The following ADGRV1 variants were observed in gnomAD, a reference collection of about 807,000 sequenced individuals.
ADGRV1 encodes the protein adhesion G protein-coupled receptor V1, also known as G-protein coupled receptor 98.
A neutral mutation model predicts 596.2 loss-of-function variants in ADGRV1; 359 were observed. The ratio of observed to expected loss-of-function variants is 0.60; its 90% confidence interval spans 0.55 to 0.66. The LOEUF (loss-of-function observed/expected upper bound fraction) is 0.66, where lower values mean the gene tolerates loss of function less well. ADGRV1 is among the 30% of genes least tolerant of loss of function. The pLI, the probability that ADGRV1 is intolerant of heterozygous loss-of-function variation, is 0.00. For missense variants in ADGRV1, 7,274 were observed against 7,575.6 expected, an observed-to-expected ratio of 0.96 and a Z score of 1.48; for synonymous variants, 2,681 against 2,679.2, an observed-to-expected ratio of 1.00 and a Z score of -0.02.
chr5:90,705,482 T>C lies in ADGRV1; in HGVS notation c.8469T>C (p.His2823=), dbSNP rs188452841. The part of the protein sequence containing the change: ...VLTVEASDEP[H]GVLNFALSSR... ...CAGTAGAAGCCAGTGATGAACCACA[T>C]GGAGTTTTAAATTTTGCTCTTTCAT... The change falls in exon 37 of 90, where the codon CAT becomes CAC. Residue 2823 remains histidine, a synonymous_variant. Transcript: ENST00000405460. The C allele has an allele frequency of 2.5e-6, 4 of 1,613,894 alleles. No individual in the cohort carries two copies. The highest frequency in any genetic ancestry group is 2.2e-5 in the South Asian group (2 of 91,084).
intron 78 of ADGRV1, among the ~76,000 whole-genome samples, chr5:90,843,061 T>A (rs1765571328): frequency 6.6e-6 from 1 of 152,136 alleles, no homozygotes; most frequent in South Asian, 2.1e-4. Context: ...AGATTCAATA[T>A]ATGGACACAA....
At chr5:90,695,944 G>A (rs997424169) in intron 33 of ADGRV1, among the ~76,000 whole-genome samples, 1 of 152,038 alleles carries the variant, frequency 6.6e-6, no homozygotes, top group African/African-American at 2.4e-5. Context: ...TATATATAAA[G>A]AAATAGCATT....
Position 90,777,934 on chromosome 5 carries a change from A to C in ADGRV1, c.12557A>C (p.Glu4186Ala), listed in dbSNP as rs1758418294. The change falls in exon 62 of 90, where the codon GAG becomes GCG. Residue 4186 changes from glutamate (E) to alanine (A), a missense_variant. Around this residue, in one of 5 missense-constraint regions of ADGRV1, gnomAD observed 3,643 missense variants for 3,809.2 expected, o/e 0.96. Coordinates refer to ENST00000405460, the MANE Select transcript of ADGRV1 (RefSeq NM_032119.4). ...SLVRGPGILG[E>A]VTVFWRIFPP... is the part of the protein sequence containing the mutation. Reference sequence around the variant, plus strand: ...GTTCGAGGCCCAGGGATTTTGGGGGAGGTCACAGTGTTCTGGAGGATATTC... The same window carrying C: ...GTTCGAGGCCCAGGGATTTTGGGGGCGGTCACAGTGTTCTGGAGGATATTC... The C allele has an allele frequency of 6.2e-7, 1 of 1,611,596 alleles. No homozygotes were observed. The highest frequency in any genetic ancestry group is 1.3e-5 in the African/African-American group (1 of 74,942).
chr5:90,904,149 A>G (rs1381648208), intron 83 of ADGRV1, among the ~76,000 whole-genome samples: 1 of 151,986 alleles, frequency 6.6e-6, no homozygotes, highest in Non-Finnish European at 1.5e-5. Context: ...CATTTTCTTT[A>G]TCCATTCATC....
Position 90,627,243 on chromosome 5 carries a change from A to G in ADGRV1, c.705A>G (p.Gln235=), listed in dbSNP as rs372853480. ...AAAATGATGAAATATTTTTAATTCA[A>G]CTGAAAAGTGTAGAAGGAGGAGCTG... ...VPENDEIFLI[Q]LKSVEGGAEI... The change falls in exon 7 of 90, where the codon CAA becomes CAG. Residue 235 remains glutamine, a synonymous_variant. Transcript: ENST00000405460. 1.4e-5 allele frequency: 22 copies of G among 1,557,692 alleles called. No homozygotes were observed. Among genetic ancestry groups the G allele is most frequent in the Non-Finnish European group, 1.7e-5 (20 of 1,153,304 alleles).
intron 87 of ADGRV1, among the ~76,000 whole-genome samples, chr5:91,125,220 A>G (rs1441060852): frequency 6.6e-6 from 1 of 152,234 alleles, no homozygotes; most frequent in African/African-American, 2.4e-5. Context: ...AGAAGCACAG[A>G]GGTTGACATC....
rs373800116 is a variant in ADGRV1, at chr5:90,965,429, G to A, written c.17871G>A (p.Ala5957=). ...ASLGTQILFL[A]SAYASPQLAE... is the part of the protein sequence containing the mutation. The stretch of plus-strand genomic sequence containing the variant: ...GTTTCTTACAGATTCTGTTTCTGGC[G>A]TCTGCATACGCAAGTCCCCAACTCG... The change falls in exon 84 of 90, where the codon GCG becomes GCA. Residue 5957 remains alanine, a synonymous_variant. Transcript: ENST00000405460. The A allele has an allele frequency of 8.2e-5, 132 of 1,609,376 alleles. No individual in the cohort carries two copies. Among genetic ancestry groups the A allele is most frequent in the Admixed American group, 7.8e-4 (47 of 60,010 alleles).
chr5:90,716,183 C>G (rs1750085373), intron 42 of ADGRV1, among the ~76,000 whole-genome samples: 1 of 152,124 alleles, frequency 6.6e-6, no homozygotes, highest in Admixed American at 6.5e-5. Flanking sequence ...GGGAATGCTG[C>G]TAATGTTTCA....
In ADGRV1 at chr5:90,810,968, C is replaced by T. The variant is rs979073720; in HGVS notation, c.15708C>T (p.Gly5236=). The T allele has an allele frequency of 3.1e-6, 5 of 1,613,994 alleles. No homozygotes were observed. Residue 5236 remains glycine (G), a synonymous_variant, in exon 74 of 90, where the codon GGC becomes GGT. Coordinates refer to ENST00000405460, the MANE Select transcript of ADGRV1 (RefSeq NM_032119.4). The part of the protein sequence containing the change: ...IVYIEEEMKN[G]TFNTAEVLIR... ...ATATTGAAGAGGAGATGAAGAATGG[C>T]ACATTCAACACTGCAGAAGTTCTTA...
chr5:90,718,375 C>T (rs1323572498), intron 43 of ADGRV1: 1 of 152,124 alleles, frequency 6.6e-6, no homozygotes, highest in African/African-American at 2.4e-5. Context: ...ATTTTTAAAT[C>T]CAGCTATCTG....
At chr5:90,980,625 T>A (rs937126743) in intron 84 of ADGRV1, among the ~76,000 whole-genome samples, 1 of 152,170 alleles carries the variant, frequency 6.6e-6, no homozygotes, top group Non-Finnish European at 1.5e-5. Flanking sequence ...TTTAGTACAG[T>A]CTTTAGCAGA....
chr5:91,011,841 A>G (rs1416628037), intron 85 of ADGRV1, among the ~76,000 whole-genome samples: 2 of 151,932 alleles, frequency 1.3e-5, no homozygotes, highest in Non-Finnish European at 2.9e-5. Flanking sequence ...CATGGATAGT[A>G]GTAGCAATTA....
In ADGRV1 at chr5:90,818,620, A is replaced by G. The variant is rs1398312465; in HGVS notation, c.16196+2884A>G. ...ACCTAATTTATTGAGAATTTTTAGC[A>G]TGAAGGGTTGTTGAATTTTGTCAAA... is the stretch of plus-strand genomic sequence containing the variant. On this transcript the variant is annotated intron_variant, in intron 75 of 89. Coordinates refer to ENST00000405460, the MANE Select transcript of ADGRV1 (RefSeq NM_032119.4). Among the ~76,000 whole-genome samples, 5 of 151,618 alleles carry G rather than the reference A, an allele frequency of 3.3e-5. No individual in the cohort carries two copies. In the East Asian group the frequency reaches 9.7e-4, roughly 29 times the overall value.
intron 70 of ADGRV1, among the ~76,000 whole-genome samples, chr5:90,799,651 A>T (rs985169067): frequency 2.0e-5 from 3 of 152,196 alleles, no homozygotes; most frequent in Non-Finnish European, 2.9e-5. Flanking sequence ...ACAAAGCTGG[A>T]GGCATCACAC....
chr5:91,017,334 T>C lies in ADGRV1; in HGVS notation c.18152+31812T>C, dbSNP rs534719712. Among the ~76,000 whole-genome samples, 71 of 151,674 alleles carry C rather than the reference T, an allele frequency of 4.7e-4. 1 individual carries two copies. Among genetic ancestry groups the C allele is most frequent in the African/African-American group, 1.6e-3 (65 of 41,284 alleles). On this transcript the variant is annotated intron_variant, in intron 85 of 89. Coordinates refer to ENST00000405460, the MANE Select transcript of ADGRV1 (RefSeq NM_032119.4). The stretch of plus-strand genomic sequence containing the variant: ...TGTAATTCCATGTTCAAAATGAAAG[T>C]ATAAAATAAGCACCAAAAAAAAAAT...
chr5:90,966,038 T>C (rs1321560507), intron 84 of ADGRV1, among the ~76,000 whole-genome samples: 3 of 152,138 alleles, frequency 2.0e-5, no homozygotes, highest in Non-Finnish European at 4.4e-5. Flanking sequence ...TGGAGATTTT[T>C]TTAAGCTAGA....
At chr5:91,106,579 A>T (rs886708351) in intron 87 of ADGRV1, among the ~76,000 whole-genome samples, 1 of 152,202 alleles carries the variant, frequency 6.6e-6, no homozygotes. Context: ...TCTTTTAACA[A>T]TATTAATTCT....
At chr5:91,002,432 A>C (rs1031444224) in intron 85 of ADGRV1, among the ~76,000 whole-genome samples, 2 of 152,074 alleles carry the variant, frequency 1.3e-5, no homozygotes, top group African/African-American at 4.8e-5. Context: ...CATTTTGCTT[A>C]TTACTGCTTC....
chr5:90,962,997 T>C (rs558588307), intron 83 of ADGRV1, among the ~76,000 whole-genome samples: 2 of 152,318 alleles, frequency 1.3e-5, no homozygotes, highest in East Asian at 1.9e-4. Flanking sequence ...AATAGTTTCA[T>C]AGAATGTTTA....
Sources: gnomAD v4.1 joint callset for allele counts (sites outside exome capture counted in the v4.1 genomes callset) on GRCh38, gnomAD v4.1.1 for gene constraint, gnomAD v4.1.1 regional missense constraint, MANE v1.5 for transcripts, NCBI Gene and HGNC (gene_info 2026-07-23, HGNC 2026-07-21) for gene names.